The following HUWE1 variants were observed in gnomAD, a reference collection of about 807,000 sequenced individuals.
HUWE1 encodes the protein HECT, UBA and WWE domain containing E3 ubiquitin protein ligase 1, also known as E3 ubiquitin-protein ligase HUWE1.
In HUWE1, 18 loss-of-function variants were observed where a neutral mutation model predicts 299.4. The ratio of observed to expected loss-of-function variants is 0.06; its 90% CI spans 0.04 to 0.09. The LOEUF (loss-of-function observed/expected upper bound fraction) is 0.09, where lower values mean the gene tolerates loss of function less well. Ranked by LOEUF, HUWE1 falls within the 10% of genes least tolerant of loss-of-function variation. HUWE1 has a pLI of 1.00. For synonymous variants in HUWE1, 1,317 were observed against 1,286.1 expected (o/e 1.02, Z -0.51); for missense variants, 1,832 against 3,462.3 (o/e 0.53, Z 11.82).
chrX:53,601,394 A>G (rs1264509467), intron 28 of HUWE1, among the ~76,000 whole-genome samples: 1 of 109,705 alleles, frequency 9.1e-6, no homozygotes, highest in African/African-American at 3.3e-5. Flanking sequence ...ATGTTGCCCA[A>G]GCGGGTCTCG....
At chrX:53,657,182 A>T (rs1044998252) in intron 3 of HUWE1, among the ~76,000 whole-genome samples, 3 of 112,594 alleles carry the variant, frequency 2.7e-5, no homozygotes, top group Non-Finnish European at 5.6e-5. Flanking sequence ...GTAAACTAGG[A>T]ATAGAGAACT....
At position 53,536,360 on chromosome X, in the gene HUWE1, G is replaced by C. The variant is rs782473788; in HGVS notation, c.12425+20C>G. 8.3e-7 allele frequency: 1 copy of C among 1,208,332 alleles called. No individual in the cohort carries two copies. Among genetic ancestry groups the C allele is most frequent in the South Asian group, 1.8e-5 (1 of 56,843 alleles). On this transcript the variant is annotated intron_variant, in intron 79 of 83. Transcript: ENST00000262854. ...ACCCCCAGGACTGAAGACAGTCCCA[G>C]GACTATGCCTCATCCTCACCTGACT...
intron 28 of HUWE1, among the ~76,000 whole-genome samples, chrX:53,601,949 G>A (rs1205654837): frequency 1.8e-5 from 2 of 110,967 alleles, no homozygotes; most frequent in African/African-American, 3.3e-5. Flanking sequence ...GATTACAGGC[G>A]TGAGCCACCG....
In HUWE1 at chrX:53,617,358, A is replaced by G; in HGVS notation, c.1761T>C (p.His587=). 8.4e-7 allele frequency: 1 copy of G among 1,187,421 alleles called. No homozygotes were observed. Among genetic ancestry groups the G allele is most frequent in the Non-Finnish European group, 1.1e-6 (1 of 874,988 alleles). The change falls in exon 20 of 84, where the codon CAT becomes CAC. Residue 587 remains histidine (H), a synonymous_variant. Coordinates refer to ENST00000262854, the MANE Select transcript of HUWE1 (RefSeq NM_031407.7). ...QDNGLTDVML[H]ALLIKDVPAT... ...GACTTACATCTTTGATAAGCAGTGC[A>G]TGCAGCATGACATCTGTCAATCCAT...
intron 53 of HUWE1, among the ~76,000 whole-genome samples, chrX:53,562,550 T>C (rs782630460): frequency 1.2e-3 from 131 of 111,477 alleles, no homozygotes; most frequent in Non-Finnish European, 2.1e-3. Flanking sequence ...CCTACTTTGC[T>C]ATTGACTATA....
chrX:53,617,003 C>T lies in HUWE1; in HGVS notation c.1924G>A (p.Ala642Thr). ...TCAGAACTTCTCCTCCTCCGCATGG[C>T]TGGGAGGTAATCTGGAGACAGAAGA... The part of the protein sequence containing the change: ...KVLLSPDYLP[A>T]MRRRRSSDPL... The change falls in exon 21 of 84, where the codon GCC (alanine) becomes ACC (threonine). Residue 642 changes from alanine (A) to threonine (T), a missense_variant. Coordinates refer to ENST00000262854, the MANE Select transcript of HUWE1 (RefSeq NM_031407.7). 8.3e-7 allele frequency: 1 copy of T among 1,210,931 alleles called. No homozygotes were observed.
At chrX:53,636,027 T>C (rs2067189802) in intron 7 of HUWE1, among the ~76,000 whole-genome samples, 1 of 112,811 alleles carries the variant, frequency 8.9e-6, no homozygotes, top group African/African-American at 3.2e-5. Flanking sequence ...ACATGGTGAA[T>C]GATCATTTTA....
intron 61 of HUWE1, among the ~76,000 whole-genome samples, chrX:53,553,733 C>T (rs2061871739): frequency 9.1e-6 from 1 of 109,590 alleles, no homozygotes; most frequent in Middle Eastern, 4.2e-3. Flanking sequence ...TCACTCCAAC[C>T]TGGGTGGCGG....
At position 53,604,736 on chromosome X, in the gene HUWE1, A is replaced by G. The variant is rs147162378; in HGVS notation, c.2595T>C (p.Pro865=). The G allele has an allele frequency of 1.7e-6, 2 of 1,211,832 alleles. No homozygotes were observed. Among genetic ancestry groups the G allele is most frequent in the South Asian group, 1.8e-5 (1 of 56,995 alleles). ...LEPLHRPIES[P]GGSVLLRELA... ...GTTCTCGCAACAACACTGAGCCCCCAGGGGATTCAATGGGGCGGTGTAAGG... is the reference window on the plus strand; with the variant it reads ...GTTCTCGCAACAACACTGAGCCCCCGGGGGATTCAATGGGGCGGTGTAAGG... Residue 865 remains proline (P), a synonymous_variant, in exon 26 of 84, where the codon CCT becomes CCC. Coordinates refer to ENST00000262854, the MANE Select transcript of HUWE1 (RefSeq NM_031407.7).
intron 3 of HUWE1, among the ~76,000 whole-genome samples, chrX:53,669,971 AAAGG>A (rs2069438194): frequency 8.9e-6 from 1 of 112,454 alleles, no homozygotes; most frequent in Non-Finnish European, 1.9e-5. Flanking sequence ...ACAGTTGAAA[AAAGG>A]AAGGGAAAAT....
chrX:53,561,615 C>A, intron 55 of HUWE1, 141 bp downstream of exon 55: 1 of 872,100 alleles, frequency 1.1e-6, no homozygotes, highest in Non-Finnish European at 1.6e-6. Context: ...CAGATGGATT[C>A]AGATATCCCT....
intron 19 of HUWE1, among the ~76,000 whole-genome samples, chrX:53,624,070 A>C (rs908889496): frequency 1.8e-5 from 2 of 112,562 alleles, no homozygotes; most frequent in Non-Finnish European, 3.8e-5. Context: ...TCTGACCTTT[A>C]TTTCATCACC....
intron 4 of HUWE1, among the ~76,000 whole-genome samples, 162 bp downstream of exon 4, chrX:53,653,901 G>C (rs1603256511): frequency 8.9e-6 from 1 of 111,958 alleles, no homozygotes; most frequent in Non-Finnish European, 1.9e-5. Flanking sequence ...TTGATCCAGG[G>C]AAGTTCAAAA....
intron 6 of HUWE1, among the ~76,000 whole-genome samples, 182 bp from the exon 7 acceptor site, chrX:53,645,645 G>A (rs1340329828): frequency 9.8e-6 from 1 of 101,924 alleles, no homozygotes; most frequent in Non-Finnish European, 2.0e-5. Context: ...CCCGGGAGGC[G>A]GAGCTTGCAG....
At chrX:53,580,121 A>G (rs2063544361) in intron 43 of HUWE1, among the ~76,000 whole-genome samples, 1 of 111,442 alleles carries the variant, frequency 9.0e-6, no homozygotes, top group African/African-American at 3.3e-5. Flanking sequence ...TTTCTTTTTT[A>G]TTACCAAAAA....
At position 53,545,016 on chromosome X, in the gene HUWE1, G is replaced by A. The variant is rs2061490538; in HGVS notation, c.11048+13C>T. The A allele has an allele frequency of 1.7e-6, 2 of 1,209,778 alleles. No homozygotes were observed. Among genetic ancestry groups the A allele is most frequent in the Non-Finnish European group, 2.2e-6 (2 of 893,844 alleles). On this transcript the variant is annotated intron_variant, in intron 71 of 83. Coordinates refer to ENST00000262854, the MANE Select transcript of HUWE1 (RefSeq NM_031407.7). ...AGATTCAAGCCCCCAGCCAAAGGGT[G>A]GCTACCACCCACCTGCTCTGCATTT...
chrX:53,678,666 G>C (rs1159993219), intron 3 of HUWE1, among the ~76,000 whole-genome samples: 2 of 112,155 alleles, frequency 1.8e-5, no homozygotes, highest in East Asian at 5.5e-4. Context: ...TTCAAGAACT[G>C]TATGACAGCC....
intron 29 of HUWE1, 93 bp from the exon 30 acceptor site, chrX:53,595,496 A>C (rs2064407160): frequency 1.4e-6 from 1 of 692,127 alleles, no homozygotes; most frequent in African/African-American, 2.2e-5. Context: ...TTTATGACTC[A>C]CCACTTCCTC....
chrX:53,542,754 C>T (rs782689946), intron 73 of HUWE1: 241 of 427,017 alleles, frequency 5.6e-4, no homozygotes, highest in Non-Finnish European at 9.1e-4. Context: ...CCCAACAGCT[C>T]CTTGGATGCT....
Sources: gnomAD v4.1 joint callset for allele counts (sites outside exome capture counted in the v4.1 genomes callset) on GRCh38, gnomAD v4.1.1 for gene constraint, MANE v1.5 for transcripts, NCBI Gene and HGNC (gene_info 2026-07-23, HGNC 2026-07-21) for gene names.